Variants in LRTM1 observed in about 807,000 individuals in gnomAD.
LRTM1 encodes leucine rich repeat transmembrane protein 1.
In LRTM1, 38 loss-of-function variants were observed where a neutral mutation model predicts 32.4. The ratio of observed to expected loss-of-function variants is 1.17; its 90% confidence interval spans 0.91 to 1.54. The LOEUF (loss-of-function observed/expected upper bound fraction) is 1.54, where lower values mean the gene tolerates loss of function less well. Among genes scored for constraint, LRTM1 ranks in the 40% most tolerant of loss-of-function variants. LRTM1 has a pLI of 0.00. For synonymous variants in LRTM1, 186 were observed against 169.9 expected (o/e 1.09, Z -0.74); for missense variants, 466 against 415.4 (o/e 1.12, Z -1.06).
At chr3:54,939,433 G>T (rs944468290) in intron 1 of LRTM1, among the ~76,000 whole-genome samples, 1 of 152,148 alleles carries the variant, frequency 6.6e-6, no homozygotes, top group African/African-American at 2.4e-5. Flanking sequence ...CCTTCCCCTG[G>T]CATGTGGAGA....
At chr3:54,939,138 A>G (rs1397461857) in intron 1 of LRTM1, among the ~76,000 whole-genome samples, 17 of 152,196 alleles carry the variant, frequency 1.1e-4, no homozygotes, top group Non-Finnish European at 2.9e-5. Context: ...TGCATCCTTA[A>G]ACTCTCAAGG....
intron 1 of LRTM1, among the ~76,000 whole-genome samples, chr3:54,956,837 C>T (rs1701909308): frequency 6.6e-6 from 1 of 152,096 alleles, no homozygotes; most frequent in South Asian, 2.1e-4. Flanking sequence ...CTCCAGTTTG[C>T]ATTTTATCTG....
chr3:54,930,419 T>G (rs566513040), upstream of LRTM1, among the ~76,000 whole-genome samples: 10 of 152,336 alleles, frequency 6.6e-5, no homozygotes, highest in African/African-American at 2.4e-4. Flanking sequence ...TTAAGGGGGC[T>G]TAGACAGACA....
chr3:54,948,810 G>T (rs1279590595), intron 1 of LRTM1, among the ~76,000 whole-genome samples: 1 of 152,192 alleles, frequency 6.6e-6, no homozygotes, highest in African/African-American at 2.4e-5. Flanking sequence ...CTAGACTACA[G>T]TTGCATCTGT....
At chr3:54,966,937 G>A (rs1295999249) in exon 1 of LRTM1, 3 of 152,106 alleles carry the variant, frequency 2.0e-5, no homozygotes, top group Non-Finnish European at 4.4e-5. Flanking sequence ...CCTATGGGTC[G>A]TCTGTGTACT....
chr3:54,942,503 A>G (rs188604120), intron 1 of LRTM1, among the ~76,000 whole-genome samples: 59 of 152,342 alleles, frequency 3.9e-4, no homozygotes, highest in Admixed American at 1.0e-3. Context: ...CTCTTAATGC[A>G]TCTCTATTTC....
upstream of LRTM1, among the ~76,000 whole-genome samples, chr3:54,932,586 A>C (rs927307279): frequency 2.0e-5 from 3 of 152,204 alleles, no homozygotes; most frequent in East Asian, 5.8e-4. Context: ...TATCTGTGTA[A>C]ATATAGCATG....
At position 54,918,557 on chromosome 3, in the gene LRTM1, C is replaced by T; in HGVS notation, c.940G>A (p.Ala314Thr). The change falls in exon 3 of 3, where the codon GCG (alanine) becomes ACG (threonine). Residue 314 changes from alanine to threonine, a missense_variant. By Grantham distance (58) the Ala-to-Thr change is moderately conservative (BLOSUM62 0). Coordinates refer to ENST00000273286, the MANE Select transcript of LRTM1 (RefSeq NM_020678.4). ...CCATGGTACTGGGCTGTGATTGCCG[C>T]ATAGGTGCAGCCATAGATGGCAGCT... is the stretch of plus-strand genomic sequence containing the variant. ...LAAAIYGCTY[A>T]AITAQYHGGP... The T allele has an allele frequency of 6.2e-7, 1 of 1,614,056 alleles. No individual in the cohort carries two copies.
chr3:54,943,427 C>A (rs568808706), intron 1 of LRTM1, among the ~76,000 whole-genome samples: 3 of 152,052 alleles, frequency 2.0e-5, no homozygotes, highest in Non-Finnish European at 4.4e-5. Flanking sequence ...CTTTTTACAC[C>A]GGCTCATCCT....
At chr3:54,928,396 G>C (rs1701089914), upstream of LRTM1, among the ~76,000 whole-genome samples, 1 of 152,124 alleles carries the variant, frequency 6.6e-6, no homozygotes, top group Admixed American at 6.5e-5. Flanking sequence ...ACCATGCCGG[G>C]TCACCCCTCT....
intron 1 of LRTM1, among the ~76,000 whole-genome samples, chr3:54,957,685 A>G (rs1445842627): frequency 7.3e-6 from 1 of 136,540 alleles, no homozygotes; most frequent in Non-Finnish European, 1.6e-5. Flanking sequence ...CAGGGGTTCC[A>G]GGCCCCACCC....
At position 54,939,847 on chromosome 3, in the gene LRTM1, A is replaced by G. The variant is rs1235448775; in HGVS notation, c.-221-14632T>C. ...CCCACATGATTGTTTGGACAACCAC[A>G]TGAACAAAAGCCGCTGGCCATGCTT... On this transcript the variant is annotated intron_variant, in intron 1 of 2. Transcript: ENST00000493075. 2.0e-5 allele frequency among the ~76,000 whole-genome samples: 3 copies of G among 152,206 alleles called. No homozygotes were observed. The South Asian group carries it at 6.2e-4, about 32-fold the overall frequency.
intron 1 of LRTM1, among the ~76,000 whole-genome samples, chr3:54,961,074 G>A (rs1702020825): frequency 6.6e-6 from 1 of 152,162 alleles, no homozygotes; most frequent in African/African-American, 2.4e-5. Context: ...AAAACAAACA[G>A]AAGAAAACAT....
chr3:54,958,665 G>A (rs955450013), intron 1 of LRTM1, among the ~76,000 whole-genome samples: 1 of 152,112 alleles, frequency 6.6e-6, no homozygotes, highest in Non-Finnish European at 1.5e-5. Flanking sequence ...AGGTGGCCTT[G>A]GTCCCAGTCC....
chr3:54,918,575 T>C lies in LRTM1; in HGVS notation c.922A>G (p.Ile308Val), dbSNP rs1265083133. 2.5e-6 allele frequency: 4 copies of C among 1,614,146 alleles called. No individual in the cohort carries two copies. Among genetic ancestry groups the C allele is most frequent in the Non-Finnish European group, 3.4e-6 (4 of 1,180,016 alleles). The change falls in exon 3 of 3, where the codon ATC becomes GTC. Residue 308 changes from isoleucine to valine, a missense_variant. Transcript: ENST00000273286. ...IVCLMMLAAA[I>V]YGCTYAAITA... The stretch of plus-strand genomic sequence containing the variant: ...ATTGCCGCATAGGTGCAGCCATAGA[T>C]GGCAGCTGCCAACATCATGAGACAC...
chr3:54,962,767 T>C (rs567449069), intron 1 of LRTM1, among the ~76,000 whole-genome samples: 9 of 152,226 alleles, frequency 5.9e-5, no homozygotes, highest in African/African-American at 9.6e-5. Context: ...TGTGAATATA[T>C]TGTATGACTG....
At chr3:54,946,022 T>C (rs1443339781) in intron 1 of LRTM1, among the ~76,000 whole-genome samples, 1 of 152,076 alleles carries the variant, frequency 6.6e-6, no homozygotes, top group Non-Finnish European at 1.5e-5. Context: ...GGAAAACGAG[T>C]ACCCTGCCTC....
intron 1 of LRTM1, among the ~76,000 whole-genome samples, chr3:54,946,098 G>A (rs1289650666): frequency 2.6e-5 from 4 of 152,224 alleles, no homozygotes; most frequent in Non-Finnish European, 5.9e-5. Flanking sequence ...GAAATAAAAA[G>A]CAGTATGCAT....
At chr3:54,925,462 G>A (rs927685251) in intron 1 of LRTM1, among the ~76,000 whole-genome samples, 5 of 152,152 alleles carry the variant, frequency 3.3e-5, no homozygotes, top group African/African-American at 1.2e-4. Flanking sequence ...GATACTCTCA[G>A]TGTCTTCTGA....
Sources: allele counts gnomAD v4.1 joint callset (sites outside exome capture counted in the v4.1 genomes callset), GRCh38; gene constraint gnomAD v4.1.1; transcripts MANE v1.5; gene names NCBI Gene and HGNC (gene_info 2026-07-23, HGNC 2026-07-21).